GABRG3: variants seen among roughly 807,000 people sequenced by gnomAD.
GABRG3 encodes the protein gamma-aminobutyric acid receptor subunit gamma-3.
In GABRG3, 25 loss-of-function variants were observed where a neutral mutation model predicts 48.8. The ratio of observed to expected loss-of-function variants is 0.51; its 90% CI spans 0.37 to 0.72. GABRG3 has a LOEUF of 0.72. Ranked by LOEUF, GABRG3 falls within the 30% of genes least tolerant of loss-of-function variation. The pLI is 0.00. For missense variants in GABRG3, 394 were observed against 577.9 expected, an observed-to-expected ratio of 0.68 and a Z score of 3.26; for synonymous variants, 227 against 217.6, an observed-to-expected ratio of 1.04 and a Z score of -0.38.
chr15:27,347,405 T>G (rs569613045), intron 5 of GABRG3, among the ~76,000 whole-genome samples: 22 of 152,156 alleles, frequency 1.4e-4, no homozygotes, highest in Non-Finnish European at 2.9e-4. Flanking sequence ...CCTCCCTTAC[T>G]CCTTTTCCCT....
intron 5 of GABRG3, among the ~76,000 whole-genome samples, chr15:27,429,561 A>G (rs1360657128): frequency 2.0e-5 from 3 of 152,218 alleles, no homozygotes; most frequent in Admixed American, 6.5e-5. Context: ...AAATAAGCCC[A>G]GTATACATAT....
In GABRG3 at chr15:26,971,605, C is replaced by T. The variant is rs1439243778; in HGVS notation, c.53+17C>T. 1.8e-5 allele frequency: 28 copies of T among 1,522,438 alleles called. No homozygotes were observed. The highest frequency in any genetic ancestry group is 2.4e-5 in the Non-Finnish European group (27 of 1,136,422). The allele number at this position is 1,522,438 out of a possible 1,614,324, so 94.3% of individuals were successfully genotyped here. ...GCACGCGCGGTAAGTGGCGCGGGGG[C>T]CGCATCCCCGGAGGCCCCGAGCTGG... On this transcript the variant is annotated intron_variant, in intron 1 of 9. Transcript: ENST00000615808.
intron 2 of GABRG3, among the ~76,000 whole-genome samples, chr15:26,988,756 G>A (rs910032828): frequency 8.6e-5 from 13 of 151,216 alleles, no homozygotes; most frequent in Admixed American, 3.3e-4. Context: ...CTAATTAGCC[G>A]TAACTACAAT....
At chr15:27,022,758 T>A (rs1435707673) in intron 2 of GABRG3, among the ~76,000 whole-genome samples, 1 of 152,124 alleles carries the variant, frequency 6.6e-6, no homozygotes, top group Non-Finnish European at 1.5e-5. Flanking sequence ...CCCTTCCCAC[T>A]GGGGCTGTCT....
intron 5 of GABRG3, among the ~76,000 whole-genome samples, chr15:27,332,547 GAAGAA>G (rs1406533919): frequency 2.0e-5 from 3 of 151,944 alleles, no homozygotes; most frequent in East Asian, 1.9e-4. Context: ...AAAAGAAAAA[GAAGAA>G]AAGAAAAGAA....
chr15:27,024,280 C>T (rs1293242500), intron 2 of GABRG3, among the ~76,000 whole-genome samples: 1 of 152,016 alleles, frequency 6.6e-6, no homozygotes, highest in African/African-American at 2.4e-5. Context: ...TCTGTTGTGC[C>T]CTATATGCAC....
At chr15:27,267,796 C>T (rs1430328832) in intron 3 of GABRG3, among the ~76,000 whole-genome samples, 1 of 151,948 alleles carries the variant, frequency 6.6e-6, no homozygotes, top group Non-Finnish European at 1.5e-5. Flanking sequence ...ATATGCTTTC[C>T]TTTTTTAGTT....
At chr15:27,300,805 A>C (rs1237471439) in intron 3 of GABRG3, among the ~76,000 whole-genome samples, 3 of 151,774 alleles carry the variant, frequency 2.0e-5, no homozygotes. Context: ...AATAACTACA[A>C]AAACTTGTAG....
intron 5 of GABRG3, among the ~76,000 whole-genome samples, chr15:27,398,435 A>G (rs1887380054): frequency 6.6e-6 from 1 of 152,230 alleles, no homozygotes; most frequent in Non-Finnish European, 1.5e-5. Context: ...AATCACAAAT[A>G]TATGTATTCA....
chr15:27,357,818 C>T (rs577733581), intron 5 of GABRG3, among the ~76,000 whole-genome samples: 5 of 152,324 alleles, frequency 3.3e-5, no homozygotes, highest in South Asian at 2.1e-4. Flanking sequence ...ACATCAAACT[C>T]AACAACTAGC....
intron 3 of GABRG3, among the ~76,000 whole-genome samples, chr15:27,326,225 G>A (rs901851951): frequency 4.6e-5 from 7 of 152,182 alleles, no homozygotes; most frequent in Non-Finnish European, 8.8e-5. Context: ...CTGGGTGGCC[G>A]TCCTCTCTAC....
chr15:27,157,213 G>T (rs2140400772), intron 3 of GABRG3, among the ~76,000 whole-genome samples: 1 of 152,282 alleles, frequency 6.6e-6, no homozygotes, highest in Admixed American at 6.5e-5. Context: ...AAAAGAAAAA[G>T]ACTGAATTCT....
intron 3 of GABRG3, among the ~76,000 whole-genome samples, chr15:27,049,767 T>C (rs993938960): frequency 1.3e-5 from 2 of 152,146 alleles, no homozygotes; most frequent in African/African-American, 4.8e-5. Flanking sequence ...AAAGGATGAG[T>C]GATGCGTGCA....
In GABRG3 at chr15:27,236,847, TC is replaced by T. The variant is rs1889988492; in HGVS notation, c.271-89961del. ...GCACGTGTGTTTGTTTTATCAATAT[TC>T]GTGATTCCTCCAATAGCTTATTGAA... On this transcript the variant is annotated intron_variant, in intron 3 of 9. Coordinates refer to ENST00000615808, the MANE Select transcript of GABRG3 (RefSeq NM_033223.5). The surrounding 1 kb of genome is among the most constrained non-coding windows in gnomAD (Gnocchi z 4.4). 6.6e-6 allele frequency among the ~76,000 whole-genome samples: 1 copy of T among 152,224 alleles called. No homozygotes were observed. Among genetic ancestry groups the T allele is most frequent in the Non-Finnish European group, 1.5e-5 (1 of 68,044 alleles).
intron 3 of GABRG3, among the ~76,000 whole-genome samples, chr15:27,325,374 T>C (rs2140517727): frequency 6.6e-6 from 1 of 152,284 alleles, no homozygotes; most frequent in African/African-American, 2.4e-5. Context: ...ATGCTACATG[T>C]GACCTGCCAT....
chr15:26,982,585 A>T (rs1032911974), intron 2 of GABRG3, among the ~76,000 whole-genome samples: 1 of 152,238 alleles, frequency 6.6e-6, no homozygotes, highest in Admixed American at 6.5e-5. Context: ...CATGTGCAAT[A>T]GGCAAGCAAA....
At chr15:27,505,972 C>T (rs962713753) in intron 6 of GABRG3, among the ~76,000 whole-genome samples, 1 of 152,078 alleles carries the variant, frequency 6.6e-6, no homozygotes, top group African/African-American at 2.4e-5. Flanking sequence ...TTGAGTGAGT[C>T]TTAATAGTTT....
intron 3 of GABRG3, among the ~76,000 whole-genome samples, chr15:27,027,669 G>A (rs1041064084): frequency 1.5e-4 from 23 of 152,156 alleles, no homozygotes; most frequent in Admixed American, 1.5e-3. Context: ...CAGGGGTAAA[G>A]TTATATTTGT....
At chr15:27,124,182 G>A (rs562870224) in intron 3 of GABRG3, among the ~76,000 whole-genome samples, 1 of 152,272 alleles carries the variant, frequency 6.6e-6, no homozygotes, top group African/African-American at 2.4e-5. Flanking sequence ...GATTTCTACC[G>A]AAATAGACAC....
Sources: allele counts gnomAD v4.1 joint callset (sites outside exome capture counted in the v4.1 genomes callset), GRCh38; gene constraint gnomAD v4.1.1; non-coding constraint Gnocchi (gnomAD v3.1); transcripts MANE v1.5; gene names NCBI Gene and HGNC (gene_info 2026-07-23, HGNC 2026-07-21).